Variants in PRKG2 observed in about 807,000 individuals in gnomAD.
PRKG2 encodes the protein protein kinase cGMP-dependent 2, also known as cGMP-dependent protein kinase 2.
Under a neutral mutation model 97.2 loss-of-function variants are expected in PRKG2, and 33 were observed. The ratio of observed to expected loss-of-function variants is 0.34; its 90% CI spans 0.26 to 0.45. PRKG2 has a LOEUF of 0.45. PRKG2 is among the 20% of genes least tolerant of loss of function. PRKG2 has a pLI of 1.00. For synonymous variants in PRKG2, 330 were observed against 321.8 expected, an observed-to-expected ratio of 1.03 and a Z score of -0.27; for missense variants, 638 against 900.0, an observed-to-expected ratio of 0.71 and a Z score of 3.73.
intron 15 of PRKG2, 39 bp from the exon 16 acceptor site, chr4:81,105,974 A>G: frequency 6.4e-7 from 1 of 1,570,514 alleles, no homozygotes; most frequent in Non-Finnish European, 8.7e-7. Flanking sequence ...CATTAATAAC[A>G]GGGTCTGAGA....
chr4:81,161,127 T>G lies in PRKG2; in HGVS notation c.912+6034A>C, dbSNP rs533952086. On this transcript the variant is annotated intron_variant, in intron 6 of 18. Transcript: ENST00000264399. ...CATTTATTCTTAAAACCTATTTACT[T>G]TTCTGGAATAAATGTTACTCCTAAT... 2.0e-5 allele frequency among the ~76,000 whole-genome samples: 3 copies of G among 152,318 alleles called. 1 individual carries two copies. In the South Asian group the frequency reaches 6.2e-4, roughly 32 times the overall value.
intron 6 of PRKG2, among the ~76,000 whole-genome samples, chr4:81,156,486 C>T (rs535957668): frequency 3.9e-5 from 6 of 152,112 alleles, no homozygotes; most frequent in Admixed American, 3.9e-4. Flanking sequence ...TAATGGGAGA[C>T]TTTAACACCC....
Position 81,089,027 on chromosome 4 carries a change from T to C in PRKG2, c.*681A>G, listed in dbSNP as rs894726380. 1 of 152,218 alleles carries C rather than the reference T, an allele frequency of 6.6e-6. No individual in the cohort carries two copies. Among genetic ancestry groups the C allele is most frequent in the Non-Finnish European group, 1.5e-5 (1 of 68,032 alleles). 9.4% of individuals were successfully genotyped at this position (152,218 alleles called of 1,614,324 possible). A position where few individuals can be genotyped will look rare whatever the true frequency, so the allele number is the denominator to read the frequency against. On this transcript the variant is annotated 3_prime_UTR_variant, in exon 19 of 19. Transcript: ENST00000264399. ...GATCATAAAGGAGAGAAAATATTTC[T>C]TGCTTTACTTTTTTTTCTAAGTTCC...
intron 14 of PRKG2, among the ~76,000 whole-genome samples, chr4:81,120,757 A>C (rs1314678023): frequency 1.3e-5 from 2 of 152,156 alleles, no homozygotes; most frequent in Non-Finnish European, 2.9e-5. Context: ...AAAGACTTTT[A>C]TTTCTTTCTT....
chr4:81,205,886 G>A (rs1185610202), intron 1 of PRKG2, among the ~76,000 whole-genome samples: 11 of 152,150 alleles, frequency 7.2e-5, no homozygotes, highest in Non-Finnish European at 1.6e-4. Flanking sequence ...GTGAGTCTCT[G>A]GATGTGGTAT....
At position 81,135,224 on chromosome 4, in the gene PRKG2, T is replaced by G. The variant is rs1366029218; in HGVS notation, c.1707A>C (p.Arg569=). The change falls in exon 14 of 19, where the codon CGA becomes CGC. Residue 569 remains arginine, a synonymous_variant. Transcript: ENST00000264399. ...CVTEAFDYLH[R]LGIIYRDLKP... ...TCAAGTCTCTGTAGATAATACCTAG[T>G]CGATGCAGGTAATCAAATGCTTCTG... is the stretch of plus-strand genomic sequence containing the variant. The G allele has an allele frequency of 6.2e-7, 1 of 1,612,510 alleles. No individual in the cohort carries two copies. Among genetic ancestry groups the G allele is most frequent in the African/African-American group, 1.3e-5 (1 of 75,008 alleles).
In PRKG2 at chr4:81,205,683, A is replaced by G. The variant is rs150334585; in HGVS notation, c.-13-623T>C. On this transcript the variant is annotated intron_variant, in intron 1 of 18. Coordinates refer to ENST00000264399, the MANE Select transcript of PRKG2 (RefSeq NM_006259.3). ...GTGGTCACCAACAAGAAGAGTTTTA[A>G]AATTGTTCTGCATCCTCTACTTTAT... Among the ~76,000 whole-genome samples the G allele has an allele frequency of 3.6e-3, 545 of 152,360 alleles. 2 individuals carry two copies. The highest frequency in any genetic ancestry group is 5.9e-3 in the Non-Finnish European group (403 of 68,036).
chr4:81,159,762 T>C (rs2110070526), intron 6 of PRKG2, among the ~76,000 whole-genome samples: 1 of 151,882 alleles, frequency 6.6e-6, no homozygotes, highest in African/African-American at 2.4e-5. Flanking sequence ...ATATACACCA[T>C]GGAATACTAT....
At chr4:81,166,638 CT>C (rs1287786691) in intron 6 of PRKG2, among the ~76,000 whole-genome samples, 1 of 152,080 alleles carries the variant, frequency 6.6e-6, no homozygotes, top group Non-Finnish European at 1.5e-5. Context: ...CCGTTTCCCC[CT>C]AGATGTTAAA....
intron 14 of PRKG2, among the ~76,000 whole-genome samples, chr4:81,131,540 G>A (rs2110021100): frequency 6.6e-6 from 1 of 152,248 alleles, no homozygotes; most frequent in Middle Eastern, 3.4e-3. Flanking sequence ...CTTTTGTAAT[G>A]TAAATATATA....
intron 1 of PRKG2, among the ~76,000 whole-genome samples, 180 bp downstream of exon 1, chr4:81,214,756 G>C (rs565291975): frequency 1.5e-4 from 23 of 152,334 alleles, no homozygotes; most frequent in African/African-American, 4.8e-4. Context: ...CACACCGAGC[G>C]AATGCAACGC....
In PRKG2 at chr4:81,117,630, T is replaced by C. The variant is rs1026742492; in HGVS notation, c.1777-7019A>G. Among the ~76,000 whole-genome samples, 7 of 152,216 alleles carry C rather than the reference T, an allele frequency of 4.6e-5. No individual in the cohort carries two copies. In the East Asian group the frequency reaches 7.7e-4, roughly 17 times the overall value. On this transcript the variant is annotated intron_variant, in intron 14 of 18. Transcript: ENST00000264399. The stretch of plus-strand genomic sequence containing the variant: ...CTCAGCGTCTATTAAGGTAGTTATA[T>C]AATGTTTTTCTCATTTAATCTGGTA...
chr4:81,093,461 TAACATACTAC>T (rs925063512), intron 17 of PRKG2, among the ~76,000 whole-genome samples: 9 of 151,962 alleles, frequency 5.9e-5, no homozygotes, highest in African/African-American at 2.2e-4. Flanking sequence ...TATAGCTATC[TAACATACTAC>T]TTGACTTAGT....
At chr4:81,188,487 T>G (rs565539665) in intron 2 of PRKG2, among the ~76,000 whole-genome samples, 1 of 143,506 alleles carries the variant, frequency 7.0e-6, no homozygotes, top group Non-Finnish European at 1.5e-5. Flanking sequence ...GATCTAGAAC[T>G]AGAAATACCA....
chr4:81,204,451 C>A (rs978135975), intron 2 of PRKG2, 136 bp downstream of exon 2: 21 of 998,192 alleles, frequency 2.1e-5, no homozygotes, highest in African/African-American at 2.1e-4. Flanking sequence ...AAAACAAAAT[C>A]ATTTCAAAAA....
intron 14 of PRKG2, among the ~76,000 whole-genome samples, 153 bp from the exon 15 acceptor site, chr4:81,110,764 G>GAGAGAC (rs1553919021): frequency 3.3e-4 from 48 of 146,318 alleles, no homozygotes; most frequent in East Asian, 1.6e-3. Context: ...GAGAGAGAGA[G>GAGAGAC]AGACAGACAG....
At chr4:81,152,373 T>C (rs931168909) in intron 7 of PRKG2, among the ~76,000 whole-genome samples, 2 of 152,162 alleles carry the variant, frequency 1.3e-5, no homozygotes, top group African/African-American at 4.8e-5. Context: ...AAGCAAATAA[T>C]AATGGTCTTG....
At chr4:81,107,454 A>G (rs1368848145) in intron 15 of PRKG2, among the ~76,000 whole-genome samples, 3 of 152,170 alleles carry the variant, frequency 2.0e-5, no homozygotes, top group Non-Finnish European at 4.4e-5. Context: ...GGAGCCACCA[A>G]TGTGGGAAAA....
chr4:81,099,496 T>C (rs1050148035), intron 17 of PRKG2, among the ~76,000 whole-genome samples: 7 of 152,124 alleles, frequency 4.6e-5, no homozygotes, highest in African/African-American at 1.7e-4. Flanking sequence ...GAAAAGGCCT[T>C]TGACAAAATT....
Sources: allele counts gnomAD v4.1 joint callset (sites outside exome capture counted in the v4.1 genomes callset), GRCh38; gene constraint gnomAD v4.1.1; transcripts MANE v1.5; gene names NCBI Gene and HGNC (gene_info 2026-07-23, HGNC 2026-07-21).